SLC6A13: variants seen among roughly 807,000 people sequenced by gnomAD.
SLC6A13 encodes solute carrier family 6 member 13, also known as sodium- and chloride-dependent GABA transporter 2.
In SLC6A13, 69 loss-of-function variants were observed where a neutral mutation model predicts 72.9. The ratio of observed to expected loss-of-function variants is 0.95; its 90% CI spans 0.78 to 1.16. The LOEUF (loss-of-function observed/expected upper bound fraction) is 1.16. Among genes scored for constraint, SLC6A13 ranks in the 50% most tolerant of loss-of-function variants. The probability of loss-of-function intolerance (pLI) is 0.00; values close to 1 mark genes in which losing one functional copy is unlikely to be tolerated. For synonymous variants in SLC6A13, 303 were observed against 303.0 expected (o/e 1.00, Z 0.00); for missense variants, 735 against 760.5 (o/e 0.97, Z 0.39).
chr12:229,774 G>A (rs758769361), intron 7 of SLC6A13, among the ~76,000 whole-genome samples: 2 of 152,182 alleles, frequency 1.3e-5, no homozygotes, highest in Non-Finnish European at 2.9e-5. Context: ...AACACGCCGC[G>A]GCTGCCCACA....
intron 2 of SLC6A13, chr12:259,496 G>C: frequency 3.8e-6 from 5 of 1,317,496 alleles, no homozygotes; most frequent in Non-Finnish European, 4.8e-6. Context: ...TGAAAGGCAG[G>C]CATTATTATC....
At chr12:261,048 C>T (rs575077632) in intron 1 of SLC6A13, among the ~76,000 whole-genome samples, 12 of 152,220 alleles carry the variant, frequency 7.9e-5, no homozygotes, top group South Asian at 6.2e-4. Context: ...ATTTACTATG[C>T]GCTCTTTTTC....
intron 6 of SLC6A13, among the ~76,000 whole-genome samples, chr12:235,915 G>T (rs963333017): frequency 6.6e-6 from 1 of 152,146 alleles, no homozygotes; most frequent in African/African-American, 2.4e-5. Context: ...TAAGGACTGA[G>T]ATATGCCCTG....
At chr12:262,626 A>G (rs746050006) in intron 1 of SLC6A13, 163 bp downstream of exon 1, 268 of 945,380 alleles carry the variant, frequency 2.8e-4, no homozygotes, top group Non-Finnish European at 3.3e-4. Context: ...CAGAAAGTCA[A>G]GAAAATAGCA....
At chr12:239,342 G>T (rs1260680096) in intron 4 of SLC6A13, among the ~76,000 whole-genome samples, 1 of 151,450 alleles carries the variant, frequency 6.6e-6, no homozygotes, top group Non-Finnish European at 1.5e-5. Flanking sequence ...TCAGCCACCG[G>T]CTCTACCACG....
At chr12:223,667 T>C (rs754414365) in intron 11 of SLC6A13, 2 of 361,420 alleles carry the variant, frequency 5.5e-6, no homozygotes, top group Non-Finnish European at 1.0e-5. Context: ...AGTTTGTACA[T>C]AGAACTTGGT....
At chr12:227,872 A>G (rs1050175809) in intron 7 of SLC6A13, among the ~76,000 whole-genome samples, 6 of 152,186 alleles carry the variant, frequency 3.9e-5, no homozygotes, top group East Asian at 1.9e-4. Context: ...CTTGGGCACT[A>G]CTAGGATAGA....
intron 9 of SLC6A13, 22 bp downstream of exon 9, chr12:226,368 A>AG (rs1565489871): frequency 6.2e-7 from 1 of 1,613,164 alleles, no homozygotes; most frequent in Non-Finnish European, 8.5e-7. Flanking sequence ...CACTGCCTCC[A>AG]GGCCTCCCCA....
At chr12:221,583 C>G (rs141036939) in intron 13 of SLC6A13, 37 bp from the exon 14 acceptor site, 139 of 1,076,504 alleles carry the variant, frequency 1.3e-4, no homozygotes, top group South Asian at 6.3e-4. Context: ...GGTTGGGGGG[C>G]GGGGGCCTTG....
At position 224,056 on chromosome 12, in the gene SLC6A13, C is replaced by CT. The variant is rs1319973826; in HGVS notation, c.1246dup (p.Arg416LysfsTer32). The CT allele has an allele frequency of 6.2e-7, 1 of 1,614,106 alleles. No individual in the cohort carries two copies. Among genetic ancestry groups the CT allele is most frequent in the East Asian group, 2.2e-5 (1 of 44,856 alleles). On this transcript the variant is annotated frameshift_variant, in exon 11 of 15. Transcript: ENST00000343164. LOFTEE classifies it high-confidence loss of function. ...AGATACTCCAAGGATGAGGACTTCC[C>CT]TCCGGTTCTTCTTGCGGAACACGTG...
Position 254,075 on chromosome 12 carries a change from T to C in SLC6A13, c.202+5776A>G, listed in dbSNP as rs1428154003. On this transcript the variant is annotated intron_variant, in intron 2 of 14. Coordinates refer to ENST00000343164, the MANE Select transcript of SLC6A13 (RefSeq NM_016615.5). This position sits in a 1 kb window ranked among gnomAD's most constrained non-coding sequence, Gnocchi z 4.4. ...TCCTGCGTTATCCAGCATCTCCTCGTCCCATGACTGGAACTTTAACTGGGC... is the reference window on the plus strand; with the variant it reads ...TCCTGCGTTATCCAGCATCTCCTCGCCCCATGACTGGAACTTTAACTGGGC... Among the ~76,000 whole-genome samples, 1 of 152,188 alleles carries C rather than the reference T, an allele frequency of 6.6e-6. No homozygotes were observed. Among genetic ancestry groups the C allele is most frequent in the East Asian group, 1.9e-4 (1 of 5,198 alleles).
At chr12:258,612 A>G (rs1230817851) in intron 2 of SLC6A13, among the ~76,000 whole-genome samples, 1 of 152,190 alleles carries the variant, frequency 6.6e-6, no homozygotes, top group Non-Finnish European at 1.5e-5. Flanking sequence ...AAGCAAGGAG[A>G]TATTCCTAAC....
intron 2 of SLC6A13, among the ~76,000 whole-genome samples, chr12:256,045 A>C (rs888421570): frequency 2.0e-5 from 3 of 151,982 alleles, no homozygotes; most frequent in Admixed American, 1.3e-4. Flanking sequence ...CCTTTTAAAA[A>C]TTGCCACCAC....
At chr12:242,324 C>T (rs1202492940) in intron 4 of SLC6A13, among the ~76,000 whole-genome samples, 1 of 152,238 alleles carries the variant, frequency 6.6e-6, no homozygotes, top group Non-Finnish European at 1.5e-5. Flanking sequence ...ATGAACAAAA[C>T]ATATATCCAT....
intron 2 of SLC6A13, 93 bp downstream of exon 2, chr12:259,758 T>A: frequency 6.2e-7 from 1 of 1,613,250 alleles, no homozygotes; most frequent in Non-Finnish European, 8.5e-7. Context: ...ATTCTATACA[T>A]CTATGGGACT....
chr12:230,698 G>A (rs1941674149), intron 7 of SLC6A13, among the ~76,000 whole-genome samples: 1 of 152,056 alleles, frequency 6.6e-6, no homozygotes, highest in African/African-American at 2.4e-5. Flanking sequence ...TAAAACCCAC[G>A]CTCCCCCACA....
intron 6 of SLC6A13, among the ~76,000 whole-genome samples, chr12:236,295 G>A (rs908743296): frequency 6.6e-6 from 1 of 152,118 alleles, no homozygotes; most frequent in Non-Finnish European, 1.5e-5. Context: ...AAACTTGCTG[G>A]TCTGAGACTC....
chr12:259,061 T>C (rs570441278), intron 2 of SLC6A13: 22 of 149,370 alleles, frequency 1.5e-4, no homozygotes, highest in African/African-American at 4.4e-4. Context: ...ATCAACGTCA[T>C]CATCAGCAGA....
intron 7 of SLC6A13, among the ~76,000 whole-genome samples, chr12:232,399 T>G (rs954823689): frequency 1.3e-5 from 2 of 152,162 alleles, no homozygotes; most frequent in South Asian, 4.1e-4. Context: ...AAGCCTCCCC[T>G]CCACTCAGCT....
Sources: allele counts gnomAD v4.1 joint callset (sites outside exome capture counted in the v4.1 genomes callset), GRCh38; gene constraint gnomAD v4.1.1; non-coding constraint Gnocchi (gnomAD v3.1); transcripts MANE v1.5; gene names NCBI Gene and HGNC (gene_info 2026-07-23, HGNC 2026-07-21).